AKAP6: variants seen among roughly 807,000 people sequenced by gnomAD.
AKAP6 encodes the protein A-kinase anchoring protein 6, also known as A-kinase anchor protein 6.
In AKAP6, 58 loss-of-function variants were observed where a neutral mutation model predicts 188.5. The observed-to-expected ratio is 0.31, with a 90% CI of 0.25 to 0.38. AKAP6 has a LOEUF of 0.38. AKAP6 is among the 10% of genes least tolerant of loss of function. AKAP6 has a pLI of 1.00. For missense variants in AKAP6, 2,710 were observed against 2,740.0 expected (o/e 0.99, Z 0.24); for synonymous variants, 989 against 998.6 (o/e 0.99, Z 0.18).
intron 7 of AKAP6, among the ~76,000 whole-genome samples, chr14:32,639,654 A>G (rs1594803552): frequency 6.6e-6 from 1 of 152,178 alleles, no homozygotes; most frequent in African/African-American, 2.4e-5. Context: ...GCACCTGTGA[A>G]AAATACCACA....
At chr14:32,551,901 T>G (rs1340904843) in intron 4 of AKAP6, among the ~76,000 whole-genome samples, 1 of 151,840 alleles carries the variant, frequency 6.6e-6, no homozygotes, top group Non-Finnish European at 1.5e-5. Flanking sequence ...CTCCTGACCT[T>G]GTGATCCGCC....
intron 1 of AKAP6, among the ~76,000 whole-genome samples, chr14:32,397,279 T>C (rs1484238787): frequency 2.0e-5 from 3 of 152,068 alleles, no homozygotes; most frequent in African/African-American, 7.2e-5. Flanking sequence ...AGAAGTGAGC[T>C]CTAGCTATTC....
In AKAP6 at chr14:32,473,405, G is replaced by C. The variant is rs551674941; in HGVS notation, c.324+39588G>C. 3.5e-4 allele frequency among the ~76,000 whole-genome samples: 54 copies of C among 152,312 alleles called. No individual in the cohort carries two copies. The South Asian group carries it at 0.011, about 32-fold the overall frequency. On this transcript the variant is annotated intron_variant, in intron 2 of 13. Transcript: ENST00000280979. ...AAGCCAGATGAAATTGTTAAAACAA[G>C]TTTTTCTTTTTTCCCTAGGGCCAGT...
Position 32,374,023 on chromosome 14 carries a change from G to A in AKAP6, c.-35+44615G>A, listed in dbSNP as rs1296142602. ...AAAACCCCTGGCGTATGGAACAGAGGACAGACAGATTGCCACTGAGCAAAG... is the reference window on the plus strand; with the variant it reads ...AAAACCCCTGGCGTATGGAACAGAGAACAGACAGATTGCCACTGAGCAAAG... On this transcript the variant is annotated intron_variant, in intron 1 of 13. Coordinates refer to ENST00000280979, the MANE Select transcript of AKAP6 (RefSeq NM_004274.5). 2.0e-5 allele frequency among the ~76,000 whole-genome samples: 3 copies of A among 152,196 alleles called. 1 individual carries two copies. The highest frequency in any genetic ancestry group is 1.5e-5 in the Non-Finnish European group (1 of 68,036).
At chr14:32,538,835 T>G (rs1882797447) in intron 3 of AKAP6, among the ~76,000 whole-genome samples, 2 of 152,140 alleles carry the variant, frequency 1.3e-5, no homozygotes, top group Admixed American at 1.3e-4. Flanking sequence ...CCTGCACATG[T>G]ACCCCAGAAC....
At chr14:32,431,580 T>C (rs1212460565) in intron 1 of AKAP6, among the ~76,000 whole-genome samples, 1 of 152,206 alleles carries the variant, frequency 6.6e-6, no homozygotes, top group African/African-American at 2.4e-5. Context: ...CAATCTCGGC[T>C]CAGCTCACTG....
At chr14:32,333,048 A>T (rs924581794) in intron 1 of AKAP6, among the ~76,000 whole-genome samples, 19 of 152,144 alleles carry the variant, frequency 1.2e-4, no homozygotes, top group Non-Finnish European at 2.4e-4. Flanking sequence ...TATGGTGAAT[A>T]CTTAGAAATA....
intron 5 of AKAP6, among the ~76,000 whole-genome samples, chr14:32,583,798 C>T (rs1418995768): frequency 2.0e-5 from 3 of 152,150 alleles, no homozygotes; most frequent in Non-Finnish European, 4.4e-5. Context: ...GATATAATCT[C>T]CCGGTGCGCC....
At chr14:32,693,744 C>G (rs751787407) in intron 8 of AKAP6, 1 of 152,128 alleles carries the variant, frequency 6.6e-6, no homozygotes, top group Non-Finnish European at 1.5e-5. Context: ...TTCCCCTTTG[C>G]TTTAATAATC....
At chr14:32,793,026 A>G (rs1389223569) in intron 12 of AKAP6, among the ~76,000 whole-genome samples, 2 of 152,208 alleles carry the variant, frequency 1.3e-5, no homozygotes, top group Non-Finnish European at 2.9e-5. Flanking sequence ...TCTTGAAGGA[A>G]GCACTAAATA....
At chr14:32,599,336 A>C in intron 5 of AKAP6, 74 bp from the exon 6 acceptor site, 2 of 1,250,440 alleles carry the variant, frequency 1.6e-6, no homozygotes, top group South Asian at 1.3e-5. Context: ...GATAAAAAGT[A>C]GCAAGTAATT....
intron 10 of AKAP6, 136 bp downstream of exon 10, chr14:32,732,736 A>G: frequency 9.8e-7 from 1 of 1,021,456 alleles, no homozygotes. Flanking sequence ...CAAGCTATTC[A>G]TGCTATTATG....
At chr14:32,406,278 T>C (rs1889290037) in intron 1 of AKAP6, among the ~76,000 whole-genome samples, 1 of 152,182 alleles carries the variant, frequency 6.6e-6, no homozygotes, top group Non-Finnish European at 1.5e-5. Flanking sequence ...GGTGTGATCT[T>C]GGCTCACTGT....
chr14:32,523,864 G>A (rs1881988175), intron 2 of AKAP6, among the ~76,000 whole-genome samples: 1 of 151,746 alleles, frequency 6.6e-6, no homozygotes, highest in African/African-American at 2.4e-5. Flanking sequence ...GGTGAATCAG[G>A]CCTCAGGATC....
intron 11 of AKAP6, 139 bp downstream of exon 11, chr14:32,736,021 C>T (rs1406743932): frequency 1.6e-6 from 1 of 635,654 alleles, no homozygotes; most frequent in African/African-American, 1.8e-5. Flanking sequence ...TATAGACAAC[C>T]TCCACATTTC....
At chr14:32,463,834 C>T (rs1386985146) in intron 2 of AKAP6, among the ~76,000 whole-genome samples, 1 of 151,980 alleles carries the variant, frequency 6.6e-6, no homozygotes, top group African/African-American at 2.4e-5. Context: ...TAACAAAATA[C>T]ATAGACTGCT....
At chr14:32,800,752 T>A (rs974297167) in intron 12 of AKAP6, among the ~76,000 whole-genome samples, 11 of 152,162 alleles carry the variant, frequency 7.2e-5, no homozygotes, top group African/African-American at 1.9e-4. Context: ...CTGTGGCTCA[T>A]GCCTGTAATC....
At chr14:32,780,102 T>C (rs769653676) in intron 12 of AKAP6, among the ~76,000 whole-genome samples, 4 of 146,372 alleles carry the variant, frequency 2.7e-5, no homozygotes, top group Non-Finnish European at 4.5e-5. Flanking sequence ...AGCCAAGATA[T>C]GGGAACAACT....
intron 1 of AKAP6, among the ~76,000 whole-genome samples, chr14:32,420,909 T>TGTGTGTG: frequency 1.4e-5 from 2 of 146,520 alleles, no homozygotes; most frequent in South Asian, 2.3e-4. Context: ...GGAGATTGAT[T>TGTGTGTG]TGTGTGTGTG....
Sources: gnomAD v4.1 joint callset for allele counts (sites outside exome capture counted in the v4.1 genomes callset) on GRCh38, gnomAD v4.1.1 for gene constraint, MANE v1.5 for transcripts, NCBI Gene and HGNC (gene_info 2026-07-23, HGNC 2026-07-21) for gene names.